Variants in CHID1 observed in about 807,000 individuals in gnomAD.
The protein encoded by CHID1 is chitinase domain containing 1.
Under a neutral mutation model 55.4 loss-of-function variants are expected in CHID1, and 44 were observed. The ratio of observed to expected loss-of-function variants is 0.79; its 90% CI spans 0.62 to 1.02. The LOEUF (loss-of-function observed/expected upper bound fraction) is 1.02, where lower values mean the gene tolerates loss of function less well. Ranked by LOEUF, CHID1 falls within the 50% of genes least tolerant of loss-of-function variation. CHID1 has a pLI of 0.00. For synonymous variants in CHID1, 216 were observed against 212.9 expected, an observed-to-expected ratio of 1.01 and a Z score of -0.13; for missense variants, 491 against 515.3, an observed-to-expected ratio of 0.95 and a Z score of 0.46.
intron 9 of CHID1, 35 bp from the exon 10 acceptor site, chr11:883,338 G>A (rs1387242403): frequency 3.8e-6 from 6 of 1,591,434 alleles, no homozygotes; most frequent in South Asian, 3.3e-5. Flanking sequence ...TTCAGCAACA[G>A]GGAGGGCCCC....
chr11:901,108 G>T, intron 4 of CHID1, 128 bp from the exon 5 acceptor site: 2 of 756,582 alleles, frequency 2.6e-6, no homozygotes, highest in Non-Finnish European at 2.1e-6. Context: ...GCAGGCAGGT[G>T]TGAGAACCCA....
intron 8 of CHID1, among the ~76,000 whole-genome samples, chr11:889,293 C>T (rs774126492): frequency 6.6e-6 from 1 of 152,234 alleles, no homozygotes; most frequent in Non-Finnish European, 1.5e-5. Flanking sequence ...CCCCCACCCA[C>T]CCACCTTGGT....
chr11:910,909 C>G (rs1015647109), upstream of CHID1: 68 of 939,306 alleles, frequency 7.2e-5, no homozygotes, highest in Non-Finnish European at 8.8e-5. Context: ...TGGGCCAGGA[C>G]AGGGGACTGG....
intron 1 of CHID1, among the ~76,000 whole-genome samples, chr11:907,388 G>A (rs1852315821): frequency 6.6e-6 from 1 of 152,022 alleles, no homozygotes; most frequent in Non-Finnish European, 1.5e-5. Context: ...GGCTGAAGCA[G>A]GAGAATGGTG....
At chr11:886,150 C>CAAAAAAA (rs35216304) in intron 8 of CHID1, among the ~76,000 whole-genome samples, 20 of 20,332 alleles carry the variant, frequency 9.8e-4, no homozygotes, top group African/African-American at 2.8e-3. Context: ...GACTCCGTCT[C>CAAAAAAA]AAAAAAAGAA....
rs540133732 is a variant in CHID1, at chr11:869,563, C to G, written c.*295G>C. ...AGAAGCAGCCCAGAAAGGCCTGAGC[C>G]AGGCTGTCCTGGTGGGGCAGGTACT... On this transcript the variant is annotated 3_prime_UTR_variant, in exon 13 of 13. Coordinates refer to ENST00000323578, the MANE Select transcript of CHID1 (RefSeq NM_023947.4). The G allele has an allele frequency of 3.6e-4, 189 of 522,082 alleles. 2 individuals carry two copies. The South Asian group carries it at 4.3e-3, about 12-fold the overall frequency. 32.3% of individuals were successfully genotyped at this position (522,082 alleles called of 1,614,324 possible).
chr11:907,749 T>C (rs1223293075), intron 1 of CHID1, among the ~76,000 whole-genome samples: 1 of 152,154 alleles, frequency 6.6e-6, no homozygotes, highest in Non-Finnish European at 1.5e-5. Flanking sequence ...GCTGGGCACA[T>C]GGCCTTCCCC....
chr11:910,993 G>A (rs1852648402), upstream of CHID1: 1 of 170,934 alleles, frequency 5.9e-6, no homozygotes, highest in African/African-American at 2.4e-5. Context: ...GCGGACCCCG[G>A]GCCCGGCGCG....
chr11:880,954 C>T (rs763130035), intron 10 of CHID1, among the ~76,000 whole-genome samples: 4 of 152,196 alleles, frequency 2.6e-5, no homozygotes, highest in African/African-American at 7.2e-5. Context: ...GGCATCAACC[C>T]GAGAGTACCA....
rs571875464 is a variant in CHID1, at chr11:903,167, C to T, written c.112-56G>A. 40 of 1,557,528 alleles carry T rather than the reference C, an allele frequency of 2.6e-5. No homozygotes were observed. In the South Asian group the frequency reaches 4.1e-4, roughly 16 times the overall value. Reference sequence around the variant, plus strand: ...AGTCATCTGTCCACAGTGTAGAGCACAGAGCCCCACCCAGCAAGTCCCTTC... The same window carrying T: ...AGTCATCTGTCCACAGTGTAGAGCATAGAGCCCCACCCAGCAAGTCCCTTC... On this transcript the variant is annotated intron_variant, in intron 2 of 12. Coordinates refer to ENST00000323578, the MANE Select transcript of CHID1 (RefSeq NM_023947.4).
chr11:913,152 C>CCA (rs1337740839), upstream of CHID1, among the ~76,000 whole-genome samples: 2 of 130,840 alleles, frequency 1.5e-5, no homozygotes, highest in African/African-American at 3.2e-5. Flanking sequence ...CCCCCCCCCG[C>CCA]AAAAAAAAAA....
rs540264871 is a variant in CHID1 at position 879,245 on chromosome 11, C to T, written c.959+3903G>A. 1.6e-4 allele frequency among the ~76,000 whole-genome samples: 25 copies of T among 152,004 alleles called. No homozygotes were observed. In the East Asian group the frequency reaches 2.9e-3, roughly 18 times the overall value. ...GACTTTGTGATCCACCCACCTTATTCTTTTTCTTTTGTAGAGTTAGGGTCT... is the reference window on the plus strand; with the variant it reads ...GACTTTGTGATCCACCCACCTTATTTTTTTTCTTTTGTAGAGTTAGGGTCT... On this transcript the variant is annotated intron_variant, in intron 10 of 12. Coordinates refer to ENST00000323578, the MANE Select transcript of CHID1 (RefSeq NM_023947.4).
chr11:894,704 C>A (rs1302931432), intron 7 of CHID1, among the ~76,000 whole-genome samples: 1 of 152,184 alleles, frequency 6.6e-6, no homozygotes, highest in East Asian at 1.9e-4. Context: ...TCCCGCCCCA[C>A]TCCAGCACAA....
intron 7 of CHID1, among the ~76,000 whole-genome samples, chr11:897,774 T>C (rs1851487073): frequency 6.6e-6 from 1 of 152,128 alleles, no homozygotes; most frequent in Non-Finnish European, 1.5e-5. Context: ...GGGGGCACAC[T>C]GAGGGGTGCT....
chr11:901,824 C>A (rs1177861291), intron 4 of CHID1, among the ~76,000 whole-genome samples: 2 of 152,214 alleles, frequency 1.3e-5, no homozygotes, highest in African/African-American at 4.8e-5. Context: ...TCTACCAGGC[C>A]TGCCCTGCTC....
At chr11:871,035 G>C (rs1455138983) in intron 10 of CHID1, among the ~76,000 whole-genome samples, 4 of 150,832 alleles carry the variant, frequency 2.7e-5, no homozygotes, top group Admixed American at 2.0e-4. Context: ...CTGTCGCCCA[G>C]GCTGGTGTAC....
intron 8 of CHID1, among the ~76,000 whole-genome samples, chr11:886,884 C>T (rs1056798030): frequency 2.0e-5 from 3 of 152,232 alleles, no homozygotes; most frequent in African/African-American, 7.2e-5. Context: ...CTCCCCGTGG[C>T]TTTCATTTGT....
intron 12 of CHID1, 25 bp downstream of exon 12, chr11:870,096 G>C (rs1849063383): frequency 1.3e-6 from 2 of 1,599,644 alleles, no homozygotes; most frequent in Non-Finnish European, 8.5e-7. Flanking sequence ...CCCTCCCCCG[G>C]TCCCACGGCT....
rs1852197888 is a variant in CHID1, at chr11:906,173, A to G, written c.-43-1314T>C. Among the ~76,000 whole-genome samples the G allele has an allele frequency of 9.9e-5, 15 of 151,434 alleles. No homozygotes were observed. The South Asian group carries it at 3.1e-3, about 32-fold the overall frequency. On this transcript the variant is annotated intron_variant, in intron 1 of 12. Coordinates refer to ENST00000323578, the MANE Select transcript of CHID1 (RefSeq NM_023947.4). ...GGTCTCCACCTCCTGACCTCAGGTGATCTGCCCACCTCGGCCCCCCCAAAG... is the reference window on the plus strand; with the variant it reads ...GGTCTCCACCTCCTGACCTCAGGTGGTCTGCCCACCTCGGCCCCCCCAAAG...
Sources: gnomAD v4.1 joint callset for allele counts (sites outside exome capture counted in the v4.1 genomes callset) on GRCh38, gnomAD v4.1.1 for gene constraint, MANE v1.5 for transcripts, NCBI Gene and HGNC (gene_info 2026-07-23, HGNC 2026-07-21) for gene names.